Variants in KSR2 observed in about 807,000 individuals in gnomAD.
KSR2 encodes the protein kinase suppressor of ras 2.
A neutral mutation model predicts 107.8 loss-of-function variants in KSR2; 25 were observed. The observed-to-expected ratio is 0.23, with a 90% CI of 0.17 to 0.32. The LOEUF (loss-of-function observed/expected upper bound fraction) is 0.32. KSR2 is among the 10% of genes least tolerant of loss of function. The pLI, the probability that KSR2 is intolerant of heterozygous loss-of-function variation, is 1.00. For synonymous variants in KSR2, 480 were observed against 507.0 expected, an observed-to-expected ratio of 0.95 and a Z score of 0.71; for missense variants, 887 against 1,268.9, an observed-to-expected ratio of 0.70 and a Z score of 4.57.
At chr12:117,586,384 C>T (rs1174007017) in intron 5 of KSR2, among the ~76,000 whole-genome samples, 4 of 151,920 alleles carry the variant, frequency 2.6e-5, no homozygotes, top group African/African-American at 7.3e-5. Flanking sequence ...GTCAGGAGTT[C>T]GAGACCAGCT....
At chr12:117,773,691 G>A (rs1889587312) in intron 3 of KSR2, among the ~76,000 whole-genome samples, 1 of 152,212 alleles carries the variant, frequency 6.6e-6, no homozygotes, top group Non-Finnish European at 1.5e-5. Flanking sequence ...GATGCTGGCT[G>A]AAAATATTAG....
At chr12:117,703,801 A>T (rs1327260788) in intron 4 of KSR2, among the ~76,000 whole-genome samples, 2 of 152,176 alleles carry the variant, frequency 1.3e-5, no homozygotes, top group African/African-American at 4.8e-5. Flanking sequence ...CCCAATCAGG[A>T]TGCTGAGAAC....
Position 117,645,868 on chromosome 12 carries a change from CGTGTGTGTGTGTGT to C in KSR2, c.1171+21592_1171+21605del, listed in dbSNP as rs58896782. ...CTTCTGGAATGTGCATGTGTATGTG[CGTGTGTGTGTGTGT>C]GTGTGTGTGTGTGTGTGTGTGTGTG... On this transcript the variant is annotated intron_variant, in intron 5 of 19. Coordinates refer to ENST00000339824, the MANE Select transcript of KSR2 (RefSeq NM_173598.6). 2.4e-3 allele frequency among the ~76,000 whole-genome samples: 348 copies of C among 142,156 alleles called. 4 individuals carry two copies. The highest frequency in any genetic ancestry group is 0.019 in the East Asian group (92 of 4,848). 93.3% of individuals were successfully genotyped at this position (142,156 alleles called of 152,430 possible).
At chr12:117,719,358 C>A (rs1887120475) in intron 4 of KSR2, among the ~76,000 whole-genome samples, 1 of 152,160 alleles carries the variant, frequency 6.6e-6, no homozygotes. Context: ...CCATACCCGG[C>A]TAATTTTTTG....
At chr12:117,934,006 T>C (rs1895770003) in intron 1 of KSR2, among the ~76,000 whole-genome samples, 2 of 152,218 alleles carry the variant, frequency 1.3e-5, no homozygotes, top group Non-Finnish European at 2.9e-5. Flanking sequence ...CCAGCCGACG[T>C]TGCAAACTCT....
intron 19 of KSR2, among the ~76,000 whole-genome samples, 159 bp from the exon 20 acceptor site, chr12:117,467,364 C>A (rs1056923028): frequency 1.3e-5 from 2 of 152,208 alleles, no homozygotes; most frequent in African/African-American, 2.4e-5. Flanking sequence ...TAACTGAGTT[C>A]TTACTATATG....
At chr12:117,654,381 T>A (rs553339366) in intron 5 of KSR2, among the ~76,000 whole-genome samples, 1 of 152,140 alleles carries the variant, frequency 6.6e-6, no homozygotes, top group African/African-American at 2.4e-5. Flanking sequence ...GATGGCCTCA[T>A]GGGGAGCTCC....
chr12:117,502,746 G>A (rs974547169), intron 14 of KSR2, among the ~76,000 whole-genome samples: 1 of 152,144 alleles, frequency 6.6e-6, no homozygotes, highest in Non-Finnish European at 1.5e-5. Flanking sequence ...CTCACTTCCT[G>A]TTGCTTTTGC....
intron 3 of KSR2, among the ~76,000 whole-genome samples, chr12:117,777,119 C>CTATATAT (rs1593226181): frequency 8.7e-6 from 1 of 115,560 alleles, no homozygotes; most frequent in South Asian, 2.8e-4. Context: ...CACACACACA[C>CTATATAT]CATATATATA....
At position 117,678,889 on chromosome 12, in the gene KSR2, G is replaced by A. The variant is rs369383007; in HGVS notation, c.987-11231C>T. ...TGGGCCTGTCTCCTCATTTCTCAAA[G>A]AGGGATACTGCCCAAGTGTGATGAT... On this transcript the variant is annotated intron_variant, in intron 4 of 19. Coordinates refer to ENST00000339824, the MANE Select transcript of KSR2 (RefSeq NM_173598.6). 1.2e-4 allele frequency among the ~76,000 whole-genome samples: 18 copies of A among 152,264 alleles called. No individual in the cohort carries two copies. In the East Asian group the frequency reaches 1.9e-3, roughly 16 times the overall value.
chr12:117,775,555 C>G (rs577852337), intron 3 of KSR2, among the ~76,000 whole-genome samples: 6 of 152,316 alleles, frequency 3.9e-5, no homozygotes, highest in Non-Finnish European at 5.9e-5. Flanking sequence ...GGCCAAGATT[C>G]AAAGTGAAAT....
At chr12:117,558,940 A>C (rs898461408) in intron 7 of KSR2, among the ~76,000 whole-genome samples, 12 of 151,956 alleles carry the variant, frequency 7.9e-5, no homozygotes, top group Non-Finnish European at 1.5e-4. Context: ...ACAGATGACT[A>C]GATGAATGGA....
chr12:117,662,439 A>G (rs903895493), intron 5 of KSR2, among the ~76,000 whole-genome samples: 5 of 152,056 alleles, frequency 3.3e-5, no homozygotes, highest in African/African-American at 1.2e-4. Context: ...CTTTATTGCT[A>G]CCTGCTGCCT....
intron 1 of KSR2, among the ~76,000 whole-genome samples, chr12:117,884,959 G>C (rs933498985): frequency 6.6e-6 from 1 of 152,082 alleles, no homozygotes; most frequent in Non-Finnish European, 1.5e-5. Flanking sequence ...ACACCTTTCT[G>C]TCTTCCCCAC....
intron 5 of KSR2, among the ~76,000 whole-genome samples, chr12:117,602,623 C>T (rs1054697799): frequency 3.3e-5 from 5 of 152,190 alleles, no homozygotes; most frequent in Non-Finnish European, 7.3e-5. Flanking sequence ...CACATACCCA[C>T]ACAGCACCAT....
chr12:117,574,100 A>G lies in KSR2; in HGVS notation c.1325+5019T>C, dbSNP rs572650926. The stretch of plus-strand genomic sequence containing the variant: ...CTGGGGTCCAAGGGCCAGCAGCCTC[A>G]GCATGGCCTGGGAACTTGATAGAAA... On this transcript the variant is annotated intron_variant, in intron 7 of 19. Transcript: ENST00000339824. 2.6e-5 allele frequency among the ~76,000 whole-genome samples: 4 copies of G among 152,286 alleles called. No homozygotes were observed. In the South Asian group the frequency reaches 8.3e-4, roughly 32 times the overall value.
At chr12:117,478,362 A>T (rs1182967268) in intron 16 of KSR2, among the ~76,000 whole-genome samples, 2 of 152,170 alleles carry the variant, frequency 1.3e-5, no homozygotes, top group East Asian at 1.9e-4. Context: ...GCAGCCACTA[A>T]CCACCATGAC....
intron 1 of KSR2, among the ~76,000 whole-genome samples, chr12:117,929,662 A>G (rs1204302796): frequency 1.3e-5 from 2 of 152,254 alleles, no homozygotes; most frequent in African/African-American, 4.8e-5. Context: ...TATACAATGG[A>G]ATATTATCCA....
intron 1 of KSR2, among the ~76,000 whole-genome samples, chr12:117,941,419 C>A (rs2137534919): frequency 6.6e-6 from 1 of 152,128 alleles, no homozygotes; most frequent in Non-Finnish European, 1.5e-5. Flanking sequence ...TGACATGATT[C>A]AAAATCTATT....
Sources: gnomAD v4.1 joint callset for allele counts (sites outside exome capture counted in the v4.1 genomes callset) on GRCh38, gnomAD v4.1.1 for gene constraint, MANE v1.5 for transcripts, NCBI Gene and HGNC (gene_info 2026-07-23, HGNC 2026-07-21) for gene names.